Variants in INPP5A observed in about 807,000 individuals in gnomAD.
INPP5A encodes inositol polyphosphate-5-phosphatase A.
INPP5A carries 14 observed loss-of-function variants against 65.2 expected under a neutral mutation model. That is an observed-to-expected ratio of 0.21 (90% confidence interval 0.14 to 0.34). The LOEUF (loss-of-function observed/expected upper bound fraction) is 0.34. INPP5A is among the 10% of genes least tolerant of loss of function. The pLI is 1.00. For synonymous variants in INPP5A, 207 were observed against 208.3 expected (o/e 0.99, Z 0.05); for missense variants, 431 against 545.6 (o/e 0.79, Z 2.09).
intron 12 of INPP5A, among the ~76,000 whole-genome samples, chr10:132,766,073 T>C (rs1846837534): frequency 6.6e-6 from 1 of 152,046 alleles, no homozygotes; most frequent in Non-Finnish European, 1.5e-5. Context: ...TCTGTGTGTG[T>C]GCACATGTGC....
At chr10:132,776,815 C>T (rs372616506) in intron 12 of INPP5A, among the ~76,000 whole-genome samples, 2 of 151,914 alleles carry the variant, frequency 1.3e-5, no homozygotes, top group African/African-American at 4.8e-5. Flanking sequence ...GTTCCAGACT[C>T]GGCGGGTAGT....
chr10:132,710,327 T>A lies in INPP5A; in HGVS notation c.528-10T>A. 1 of 1,613,712 alleles carries A rather than the reference T, an allele frequency of 6.2e-7. No individual in the cohort carries two copies. The highest frequency in any genetic ancestry group is 1.1e-5 in the South Asian group (1 of 90,986). ...CCTTGGTGACGTGTCCTTTTCTCTT[T>A]TGGTTGCAGTGCCTTTGACTTGGTG... On this transcript the variant is annotated splice_polypyrimidine_tract_variant and intron_variant, in intron 7 of 15. Coordinates refer to ENST00000368594, the MANE Select transcript of INPP5A (RefSeq NM_005539.5).
At position 132,546,072 on chromosome 10, in the gene INPP5A, C is replaced by T. The variant is rs969664862; in HGVS notation, c.75+7901C>T. Among the ~76,000 whole-genome samples, 4 of 152,194 alleles carry T rather than the reference C, an allele frequency of 2.6e-5. No homozygotes were observed. The highest frequency in any genetic ancestry group is 6.5e-5 in the Admixed American group (1 of 15,286). ...GTTGTGTTGGGATGAGTGGCCGAGG[C>T]GTCTGGGGACGTCCTGGAGCCTGCA... On this transcript the variant is annotated intron_variant, in intron 1 of 15. Transcript: ENST00000368594. This position sits in a 1 kb window ranked among gnomAD's most constrained non-coding sequence, Gnocchi z 5.7.
intron 8 of INPP5A, among the ~76,000 whole-genome samples, chr10:132,723,343 ACTC>A (rs1845920942): frequency 6.6e-6 from 1 of 152,190 alleles, no homozygotes. Context: ...GCACTGGGGA[ACTC>A]ATTAGAGTTT....
At position 132,659,687 on chromosome 10, in the gene INPP5A, G is replaced by A. The variant is rs977065404; in HGVS notation, c.306+9182G>A. ...TGCACGCAGGCCCACAGCAAGGGCC[G>A]GATCAGGAGAACAACCCACTTGGCA... On this transcript the variant is annotated intron_variant, in intron 4 of 15. Transcript: ENST00000368594. The surrounding 1 kb of genome is among the most constrained non-coding windows in gnomAD (Gnocchi z 5.5). Among the ~76,000 whole-genome samples the A allele has an allele frequency of 6.6e-5, 10 of 152,216 alleles. No homozygotes were observed. Among genetic ancestry groups the A allele is most frequent in the African/African-American group, 1.7e-4 (7 of 41,454 alleles).
Position 132,587,640 on chromosome 10 carries a change from G to T in INPP5A, c.76-20275G>T, listed in dbSNP as rs1424058765. Among the ~76,000 whole-genome samples, 1 of 152,182 alleles carries T rather than the reference G, an allele frequency of 6.6e-6. No homozygotes were observed. The highest frequency in any genetic ancestry group is 1.5e-5 in the Non-Finnish European group (1 of 68,026). ...GCTCAGAAGCTAGCCAGAGGATTCCGTTCAGAAACGGGGCCTGTAGATAAT... is the reference window on the plus strand; with the variant it reads ...GCTCAGAAGCTAGCCAGAGGATTCCTTTCAGAAACGGGGCCTGTAGATAAT... On this transcript the variant is annotated intron_variant, in intron 1 of 15. Transcript: ENST00000368594. The surrounding 1 kb of genome is among the most constrained non-coding windows in gnomAD (Gnocchi z 4.3).
chr10:132,581,582 G>A (rs2133300341), intron 1 of INPP5A, among the ~76,000 whole-genome samples: 1 of 152,244 alleles, frequency 6.6e-6, no homozygotes. Context: ...TAGCTCTTCT[G>A]GCGGGTGTGC....
At chr10:132,742,283 G>A (rs772928387) in intron 9 of INPP5A, among the ~76,000 whole-genome samples, 8 of 152,186 alleles carry the variant, frequency 5.3e-5, no homozygotes, top group Non-Finnish European at 1.0e-4. Flanking sequence ...ATGCAGCCCC[G>A]ACCTGGGCCA....
intron 1 of INPP5A, among the ~76,000 whole-genome samples, chr10:132,593,995 A>C (rs192338022): frequency 6.6e-6 from 1 of 152,188 alleles, no homozygotes; most frequent in Non-Finnish European, 1.5e-5. Context: ...CCATGTCTGT[A>C]TGTATAGAAT....
intron 1 of INPP5A, among the ~76,000 whole-genome samples, chr10:132,604,138 G>T (rs771014952): frequency 6.7e-5 from 10 of 149,186 alleles, no homozygotes; most frequent in Non-Finnish European, 1.3e-4. Context: ...GTGCTCCTGT[G>T]CTGTCAGGGT....
At chr10:132,749,901 G>A in intron 11 of INPP5A, 56 bp downstream of exon 11, 1 of 1,465,494 alleles carries the variant, frequency 6.8e-7, no homozygotes, top group Non-Finnish European at 9.6e-7. Context: ...CACGCCCCCA[G>A]GCCTTCCCAT....
rs542149262 is a variant in INPP5A at position 132,671,311 on chromosome 10, C to T, written c.307-19081C>T. On this transcript the variant is annotated intron_variant, in intron 4 of 15. Transcript: ENST00000368594. The stretch of plus-strand genomic sequence containing the variant: ...TGGAGAGTTCAAACGTGGGCTGCGG[C>T]GAGGCTTGTGCCCTCCCTGCTTCGG... Among the ~76,000 whole-genome samples, 23 of 130,888 alleles carry T rather than the reference C, an allele frequency of 1.8e-4. No individual in the cohort carries two copies. In the Middle Eastern group the frequency reaches 0.012, roughly 66 times the overall value. 85.9% of individuals were successfully genotyped at this position (130,888 alleles called of 152,430 possible).
chr10:132,625,987 A>G (rs1275120809), intron 2 of INPP5A, among the ~76,000 whole-genome samples: 1 of 152,288 alleles, frequency 6.6e-6, no homozygotes, highest in South Asian at 2.1e-4. Flanking sequence ...GCACACCTGT[A>G]TAGTGCCCGC....
In INPP5A at chr10:132,704,181, A is replaced by C. The variant is rs1845494652; in HGVS notation, c.475-4132A>C. On this transcript the variant is annotated intron_variant, in intron 6 of 15. Coordinates refer to ENST00000368594, the MANE Select transcript of INPP5A (RefSeq NM_005539.5). This position sits in a 1 kb window ranked among gnomAD's most constrained non-coding sequence, Gnocchi z 4.5. Reference sequence around the variant, plus strand: ...ACGGAAGATGAGCTGCTGGTGCTCTAGGGGAGTCGTGTATTGAGGCGCCTT... The same window carrying C: ...ACGGAAGATGAGCTGCTGGTGCTCTCGGGGAGTCGTGTATTGAGGCGCCTT... Among the ~76,000 whole-genome samples, 1 of 152,036 alleles carries C rather than the reference A, an allele frequency of 6.6e-6. No homozygotes were observed. Among genetic ancestry groups the C allele is most frequent in the Middle Eastern group, 3.4e-3 (1 of 294 alleles).
rs539359789 is a variant in INPP5A, at chr10:132,705,539, T to C, written c.475-2774T>C. Among the ~76,000 whole-genome samples, 2 of 152,380 alleles carry C rather than the reference T, an allele frequency of 1.3e-5. No homozygotes were observed. The highest frequency in any genetic ancestry group is 3.9e-4 in the East Asian group (2 of 5,194). ...CTCCTCGACGAGTAGAGCCATAGCC[T>C]GGCGTCCAAGTGCGTGGCCAGGCCG... is the stretch of plus-strand genomic sequence containing the variant. On this transcript the variant is annotated intron_variant, in intron 6 of 15. Coordinates refer to ENST00000368594, the MANE Select transcript of INPP5A (RefSeq NM_005539.5). This position sits in a 1 kb window ranked among gnomAD's most constrained non-coding sequence, Gnocchi z 4.9.
In INPP5A at chr10:132,675,024, C is replaced by A. The variant is rs1441352534; in HGVS notation, c.307-15368C>A. 1.3e-5 allele frequency among the ~76,000 whole-genome samples: 2 copies of A among 152,222 alleles called. No homozygotes were observed. The highest frequency in any genetic ancestry group is 6.5e-5 in the Admixed American group (1 of 15,278). ...AGAGCAGCTGGCACAGCAGCCTGGA[C>A]CTGTTGCAGAGCCTACTCCTCTTCT... On this transcript the variant is annotated intron_variant, in intron 4 of 15. Coordinates refer to ENST00000368594, the MANE Select transcript of INPP5A (RefSeq NM_005539.5). The surrounding 1 kb of genome is among the most constrained non-coding windows in gnomAD (Gnocchi z 4.2).
intron 1 of INPP5A, among the ~76,000 whole-genome samples, chr10:132,586,080 C>T (rs568762986): frequency 9.8e-5 from 15 of 152,318 alleles, no homozygotes; most frequent in Admixed American, 8.5e-4. Flanking sequence ...CTTAGGGACA[C>T]GTCTGCCCTT....
At position 132,676,755 on chromosome 10, in the gene INPP5A, T is replaced by A. The variant is rs2072969563; in HGVS notation, c.307-13637T>A. Reference sequence around the variant, plus strand: ...TAGTCCCTGACCGGCCCCTCCTGTTTCCCCCGTGGCTCCTTGCCCCACTGA... The same window carrying A: ...TAGTCCCTGACCGGCCCCTCCTGTTACCCCCGTGGCTCCTTGCCCCACTGA... On this transcript the variant is annotated intron_variant, in intron 4 of 15. Coordinates refer to ENST00000368594, the MANE Select transcript of INPP5A (RefSeq NM_005539.5). This position sits in a 1 kb window ranked among gnomAD's most constrained non-coding sequence, Gnocchi z 4.0. 6.6e-6 allele frequency among the ~76,000 whole-genome samples: 1 copy of A among 152,114 alleles called. No individual in the cohort carries two copies. Among genetic ancestry groups the A allele is most frequent in the South Asian group, 2.1e-4 (1 of 4,822 alleles).
At chr10:132,719,457 T>C (rs1256330781) in intron 8 of INPP5A, among the ~76,000 whole-genome samples, 2 of 150,500 alleles carry the variant, frequency 1.3e-5, no homozygotes, top group Non-Finnish European at 3.0e-5. Flanking sequence ...GGGTTCTGTC[T>C]GGGCACCTTA....
Sources: allele counts gnomAD v4.1 joint callset (sites outside exome capture counted in the v4.1 genomes callset), GRCh38; gene constraint gnomAD v4.1.1; non-coding constraint Gnocchi (gnomAD v3.1); transcripts MANE v1.5; gene names NCBI Gene and HGNC (gene_info 2026-07-23, HGNC 2026-07-21).